FAM240C: variants seen among roughly 807,000 people sequenced by gnomAD.
FAM240C encodes the protein protein FAM240C.
Under a neutral mutation model 10.0 loss-of-function variants are expected in FAM240C, and 14 were observed. The observed-to-expected ratio is 1.40, with a 90% CI of 0.92 to 2.19. The LOEUF is 2.19. FAM240C is among the 30% of genes most tolerant of loss of function. The probability of loss-of-function intolerance (pLI) is 0.00; values close to 1 mark genes in which losing one functional copy is unlikely to be tolerated. For synonymous variants in FAM240C, 49 were observed against 44.3 expected (o/e 1.11, Z -0.42); for missense variants, 154 against 122.3 (o/e 1.26, Z -1.22).
At chr2:241,894,992 C>T (rs1701759686) in intron 2 of FAM240C, among the ~76,000 whole-genome samples, 1 of 152,206 alleles carries the variant, frequency 6.6e-6, no homozygotes, top group Non-Finnish European at 1.5e-5. Flanking sequence ...CACCTGCCCG[C>T]AGCTGCCGCT....
At chr2:241,894,464 G>T in intron 2 of FAM240C, 125 bp from the exon 3 acceptor site, 1 of 1,136,818 alleles carries the variant, frequency 8.8e-7, no homozygotes, top group Non-Finnish European at 1.2e-6. Context: ...TGCCAGGGGT[G>T]GGGGTGTCAC....
intron 2 of FAM240C, among the ~76,000 whole-genome samples, chr2:241,895,775 G>C (rs1006474713): frequency 3.3e-5 from 5 of 152,154 alleles, no homozygotes; most frequent in South Asian, 2.1e-4. Context: ...AGGCAGCGTG[G>C]ACACACAGTC....
At chr2:241,900,748 C>G (rs1414814425), upstream of FAM240C, among the ~76,000 whole-genome samples, 10 of 152,140 alleles carry the variant, frequency 6.6e-5, no homozygotes, top group Non-Finnish European at 7.3e-5. This position sits in a 1 kb window ranked among gnomAD's most constrained non-coding sequence, Gnocchi z 4.5. Context: ...TTGCCCAGGC[C>G]TGCGTCTCAG....
upstream of FAM240C, among the ~76,000 whole-genome samples, chr2:241,901,370 T>C (rs534699634): frequency 6.6e-6 from 1 of 152,320 alleles, no homozygotes; most frequent in East Asian, 1.9e-4. This position sits in a 1 kb window ranked among gnomAD's most constrained non-coding sequence, Gnocchi z 4.9. Context: ...CTTGCTTCTT[T>C]ATGAGGTTTC....
rs141611562 is a variant in FAM240C at position 241,899,971 on chromosome 2, G to C, written c.12+387C>G. Among the ~76,000 whole-genome samples the C allele has an allele frequency of 6.3e-3, 965 of 152,292 alleles. 11 individuals are homozygous for C. Among genetic ancestry groups the C allele is most frequent in the Middle Eastern group, 0.051 (15 of 294 alleles). On this transcript the variant is annotated intron_variant, in intron 1 of 2. Transcript: ENST00000404031. ...AGTCCCAGCTACTCGGAAGGCTAAG[G>C]CAGGAGAATGGCGTGAACCCGGGAG...
At chr2:241,899,883 C>T (rs1306643320) in intron 1 of FAM240C, among the ~76,000 whole-genome samples, 1 of 152,180 alleles carries the variant, frequency 6.6e-6, no homozygotes, top group East Asian at 1.9e-4. Context: ...CTGACTAACA[C>T]GGTGAAACCC....
chr2:241,897,280 C>G lies in FAM240C; in HGVS notation c.67G>C (p.Gly23Arg). The G allele has an allele frequency of 6.5e-7, 1 of 1,549,852 alleles. No homozygotes were observed. ...KNPGRVAYDS[G>R]GIKMFWEKKI... is the part of the protein sequence containing the mutation. ...TTCTCCCAAAACATCTTTATCCCGC[C>G]TGAATCGTATGCTACTCTTCCAGGA... The change falls in exon 2 of 3, where the codon GGC (glycine) becomes CGC (arginine). Residue 23 changes from glycine to arginine, a missense_variant. Transcript: ENST00000404031.
chr2:241,895,278 A>T (rs1701765977), intron 2 of FAM240C, among the ~76,000 whole-genome samples: 1 of 152,204 alleles, frequency 6.6e-6, no homozygotes, highest in Admixed American at 6.5e-5. Context: ...GCTGGGCAGG[A>T]TGTCAGCAGC....
upstream of FAM240C, chr2:241,900,467 A>G: frequency 1.4e-6 from 1 of 701,296 alleles, no homozygotes; most frequent in South Asian, 1.5e-5. The surrounding 1 kb of genome is among the most constrained non-coding windows in gnomAD (Gnocchi z 4.5). Flanking sequence ...TCTCTGTTAC[A>G]TGGGCTCAGT....
chr2:241,895,965 G>GA (rs201690821), intron 2 of FAM240C, among the ~76,000 whole-genome samples: 4 of 150,902 alleles, frequency 2.7e-5, no homozygotes, highest in African/African-American at 5.0e-5. Flanking sequence ...CTCGGTGGTG[G>GA]GGGGGGGCCT....
upstream of FAM240C, among the ~76,000 whole-genome samples, chr2:241,901,813 C>T (rs111379898): frequency 1.3e-5 from 2 of 152,198 alleles, no homozygotes; most frequent in Non-Finnish European, 2.9e-5. This position sits in a 1 kb window ranked among gnomAD's most constrained non-coding sequence, Gnocchi z 4.9. Flanking sequence ...TTGTAAAGCC[C>T]GTGGTGGTCT....
At position 241,897,212 on chromosome 2, in the gene FAM240C, G is replaced by C. The variant is rs4973668; in HGVS notation, c.135C>G (p.Ile45Met). The C allele has an allele frequency of 0.51, 796,216 of 1,549,530 alleles. 207,568 individuals carry two copies. Among genetic ancestry groups the C allele is most frequent in the East Asian group, 0.79 (32,441 of 40,900 alleles). ...HHARHLQNED[I>M]RVRRSALNKL... is the part of the protein sequence containing the mutation. ...TGTTCAGAGCGCTTCTGCGAACCCTGATGTCCTCGTTCTGCAGGTGTCTTG... is the reference window on the plus strand; with the variant it reads ...TGTTCAGAGCGCTTCTGCGAACCCTCATGTCCTCGTTCTGCAGGTGTCTTG... The change falls in exon 2 of 3, where the codon ATC (isoleucine) becomes ATG (methionine). Residue 45 changes from isoleucine (I) to methionine (M), a missense_variant. Physicochemically the swap from Ile to Met is conservative, Grantham distance 10. Coordinates refer to ENST00000404031, the MANE Select transcript of FAM240C (RefSeq NM_001382368.1).
chr2:241,899,789 C>T (rs1701937491), intron 1 of FAM240C, among the ~76,000 whole-genome samples: 1 of 152,174 alleles, frequency 6.6e-6, no homozygotes, highest in Non-Finnish European at 1.5e-5. Flanking sequence ...GACACGCGGC[C>T]GGGCGCGGTG....
At chr2:241,899,866 G>C (rs1701939521) in intron 1 of FAM240C, among the ~76,000 whole-genome samples, 1 of 152,238 alleles carries the variant, frequency 6.6e-6, no homozygotes, top group Admixed American at 6.5e-5. Context: ...AGGAGATCCA[G>C]ACCAGCCTGA....
chr2:241,896,711 GTTGGGGGTGTGTGTGTT>G (rs1701825687), intron 2 of FAM240C, among the ~76,000 whole-genome samples: 1 of 1,808 alleles, frequency 5.5e-4, no homozygotes, highest in Non-Finnish European at 1.2e-3. Context: ...GGGTGTGGGT[GTTGGGGGTGTGTGTGTT>G]GGGGTGTGGG....
rs1438766485 is a variant in FAM240C, at chr2:241,894,333, G to A, written c.168C>T (p.Arg56=). 11 of 1,545,134 alleles carry A rather than the reference G, an allele frequency of 7.1e-6. No individual in the cohort carries two copies. The highest frequency in any genetic ancestry group is 1.2e-5 in the South Asian group (1 of 83,982). The part of the protein sequence containing the change: ...RVRRSALNKL[R]VGWAEQLEGR... Reference sequence around the variant, plus strand: ...CCTCCAGCTGCTCAGCCCATCCCACGCGGAGCCTGGGGCAGGGCGATAATT... The same window carrying A: ...CCTCCAGCTGCTCAGCCCATCCCACACGGAGCCTGGGGCAGGGCGATAATT... The change falls in exon 3 of 3, where the codon CGC becomes CGT. Residue 56 remains arginine (R), a synonymous_variant. Coordinates refer to ENST00000404031, the MANE Select transcript of FAM240C (RefSeq NM_001382368.1).
chr2:241,896,818 T>G (rs1369994583), intron 2 of FAM240C, among the ~76,000 whole-genome samples: 2 of 44,374 alleles, frequency 4.5e-5, no homozygotes, highest in Admixed American at 2.9e-4. Context: ...GGTGTGTGGG[T>G]GTGGGGGTGT....
rs1575417807 is a variant in FAM240C, at chr2:241,894,309, C to G, written c.192G>C (p.Glu64Asp). 1 of 1,548,978 alleles carries G rather than the reference C, an allele frequency of 6.5e-7. No individual in the cohort carries two copies. The highest frequency in any genetic ancestry group is 1.7e-4 in the Middle Eastern group (1 of 5,990). Residue 64 changes from glutamate to aspartate, a missense_variant, in exon 3 of 3, where the codon GAG becomes GAC. Glu to Asp is a conservative substitution (Grantham distance 45). Coordinates refer to ENST00000404031, the MANE Select transcript of FAM240C (RefSeq NM_001382368.1). ...KLRVGWAEQL[E>D]GRNKMLQGPG... ...GGCCCTGCAGCATCTTGTTCCTCCC[C>G]TCCAGCTGCTCAGCCCATCCCACGC...
intron 1 of FAM240C, chr2:241,899,402 C>G (rs1364862393): frequency 2.2e-6 from 2 of 918,954 alleles, no homozygotes; most frequent in African/African-American, 3.6e-5. Flanking sequence ...CTCAGCCACG[C>G]CTGCCTGTGC....
Sources: gnomAD v4.1 joint callset for allele counts (sites outside exome capture counted in the v4.1 genomes callset) on GRCh38, gnomAD v4.1.1 for gene constraint, Gnocchi (gnomAD v3.1) non-coding constraint, MANE v1.5 for transcripts, NCBI Gene and HGNC (gene_info 2026-07-23, HGNC 2026-07-21) for gene names.